The following ASIC2 variants were observed in gnomAD, a reference collection of about 807,000 sequenced individuals.
ASIC2 encodes acid sensing ion channel subunit 2.
In ASIC2, 25 loss-of-function variants were observed where a neutral mutation model predicts 57.3. The ratio of observed to expected loss-of-function variants is 0.44; its 90% CI spans 0.32 to 0.61. ASIC2 has a LOEUF of 0.61. Among genes scored for constraint, ASIC2 ranks in the 20% least tolerant of loss-of-function variants. The pLI, the probability that ASIC2 is intolerant of heterozygous loss-of-function variation, is 0.06. For missense variants in ASIC2, 641 were observed against 738.1 expected (o/e 0.87, Z 1.52); for synonymous variants, 319 against 307.5 (o/e 1.04, Z -0.39).
intron 3 of ASIC2, among the ~76,000 whole-genome samples, chr17:33,055,955 C>T (rs944678546): frequency 6.6e-6 from 1 of 152,236 alleles, no homozygotes; most frequent in South Asian, 2.1e-4. Context: ...GCCCTGGACT[C>T]AGCCCTAAGA....
chr17:33,452,714 T>C (rs1308320227), intron 1 of ASIC2, among the ~76,000 whole-genome samples: 2 of 150,046 alleles, frequency 1.3e-5, no homozygotes, highest in Non-Finnish European at 2.9e-5. Context: ...AAGATTGATG[T>C]TTTCTTTGTT....
intron 1 of ASIC2, among the ~76,000 whole-genome samples, chr17:33,780,990 G>A (rs549965403): frequency 1.5e-4 from 23 of 152,334 alleles, no homozygotes; most frequent in East Asian, 5.8e-4. Context: ...GCACAGGGCC[G>A]GGCTCAGGCC....
chr17:33,372,323 A>T (rs1434290494), intron 1 of ASIC2, among the ~76,000 whole-genome samples: 1 of 151,914 alleles, frequency 6.6e-6, no homozygotes, highest in Admixed American at 6.6e-5. Flanking sequence ...AAAAAGCAAG[A>T]TCAGAAGGTG....
chr17:33,754,024 C>A (rs2951670), intron 1 of ASIC2, among the ~76,000 whole-genome samples: 51,598 of 151,966 alleles, frequency 0.34, 10,666 homozygotes, highest in Non-Finnish European at 0.49. Context: ...TTTCTATGCA[C>A]CTAAAACTGC....
At chr17:33,832,731 C>A (rs574059582) in intron 1 of ASIC2, among the ~76,000 whole-genome samples, 9 of 152,340 alleles carry the variant, frequency 5.9e-5, no homozygotes, top group African/African-American at 2.2e-4. Flanking sequence ...CAGGATCCAG[C>A]AACTCCATTT....
intron 7 of ASIC2, 57 bp downstream of exon 7, chr17:33,021,162 T>TAC: frequency 1.9e-5 from 13 of 694,004 alleles, no homozygotes; most frequent in Middle Eastern, 3.7e-4. Flanking sequence ...CTGTGCATCC[T>TAC]CCCTCCCTCC....
intron 1 of ASIC2, among the ~76,000 whole-genome samples, chr17:33,159,911 A>G (rs1297333947): frequency 6.6e-6 from 1 of 152,224 alleles, no homozygotes; most frequent in Non-Finnish European, 1.5e-5. Context: ...TGGCACATAG[A>G]AAATGCTCAG....
At chr17:33,628,118 G>A (rs1357113172) in intron 1 of ASIC2, among the ~76,000 whole-genome samples, 1 of 152,164 alleles carries the variant, frequency 6.6e-6, no homozygotes, top group Non-Finnish European at 1.5e-5. Flanking sequence ...CCTCAAAGAA[G>A]CCAAAGGATG....
At chr17:33,247,643 G>A (rs1908736670) in intron 1 of ASIC2, among the ~76,000 whole-genome samples, 1 of 152,206 alleles carries the variant, frequency 6.6e-6, no homozygotes, top group Non-Finnish European at 1.5e-5. Flanking sequence ...CAGCCAGGAG[G>A]CCAGTAGAGA....
At chr17:33,579,210 C>T (rs983082917) in intron 1 of ASIC2, among the ~76,000 whole-genome samples, 2 of 148,568 alleles carry the variant, frequency 1.3e-5, no homozygotes, top group Non-Finnish European at 3.0e-5. Context: ...CGCTTGAACC[C>T]GGGAGGCAGA....
chr17:33,827,335 C>CTGTTTTTTTTTTTTTTTTTTTT (rs1567726979), intron 1 of ASIC2, among the ~76,000 whole-genome samples: 1 of 36,734 alleles, frequency 2.7e-5, no homozygotes, highest in Non-Finnish European at 6.3e-5. Flanking sequence ...TTGCAGCTCA[C>CTGTTTTTTTTTTTTTTTTTTTT]TCTTTTTTTT....
At chr17:33,244,837 C>T (rs768619426) in intron 1 of ASIC2, among the ~76,000 whole-genome samples, 4 of 152,344 alleles carry the variant, frequency 2.6e-5, no homozygotes, top group African/African-American at 7.2e-5. Flanking sequence ...AAACTCCCCA[C>T]GCACCTGTTA....
At chr17:33,036,081 A>C (rs1419951435) in intron 3 of ASIC2, among the ~76,000 whole-genome samples, 3 of 152,200 alleles carry the variant, frequency 2.0e-5, no homozygotes, top group Non-Finnish European at 4.4e-5. Flanking sequence ...AGTAGTTTTA[A>C]AATATTTTGT....
intron 1 of ASIC2, among the ~76,000 whole-genome samples, chr17:33,942,257 C>T (rs1333679794): frequency 6.6e-6 from 1 of 152,160 alleles, no homozygotes; most frequent in Admixed American, 6.5e-5. Flanking sequence ...TGGGTTCCTG[C>T]AGCAGCAGCA....
chr17:33,631,154 C>T (rs1475894458), intron 1 of ASIC2, among the ~76,000 whole-genome samples: 2 of 152,272 alleles, frequency 1.3e-5, no homozygotes, highest in South Asian at 4.2e-4. Flanking sequence ...GCCCTGAAGC[C>T]AGGCAACGTA....
intron 1 of ASIC2, among the ~76,000 whole-genome samples, chr17:33,154,369 T>A (rs1904915691): frequency 6.6e-6 from 1 of 152,170 alleles, no homozygotes; most frequent in Admixed American, 6.5e-5. Flanking sequence ...TTCTAATACT[T>A]TCATGGCAAC....
intron 1 of ASIC2, among the ~76,000 whole-genome samples, chr17:33,370,388 C>A (rs372468467): frequency 1.1e-4 from 17 of 152,232 alleles, no homozygotes; most frequent in African/African-American, 3.9e-4. Flanking sequence ...TGCTTTCCAA[C>A]AAATTAGCCT....
At chr17:33,620,240 G>GAAAAAA (rs35560840) in intron 1 of ASIC2, among the ~76,000 whole-genome samples, 91 of 74,660 alleles carry the variant, frequency 1.2e-3, no homozygotes, top group East Asian at 1.9e-3. Flanking sequence ...AGAGGAAAAT[G>GAAAAAA]AAAAAAAAAA....
At chr17:33,662,855 T>A (rs1907335718) in intron 1 of ASIC2, among the ~76,000 whole-genome samples, 1 of 152,054 alleles carries the variant, frequency 6.6e-6, no homozygotes, top group Admixed American at 6.5e-5. Context: ...AGTAACTTTC[T>A]TAAGGTCACG....
Sources: gnomAD v4.1 joint callset for allele counts (sites outside exome capture counted in the v4.1 genomes callset) on GRCh38, gnomAD v4.1.1 for gene constraint, MANE v1.5 for transcripts, NCBI Gene and HGNC (gene_info 2026-07-23, HGNC 2026-07-21) for gene names.